Variants in IP6K1 observed in about 807,000 individuals in gnomAD.
IP6K1 encodes ATP:1D-myo-inositol-hexakisphosphate phosphotransferase.
A neutral mutation model predicts 38.3 loss-of-function variants in IP6K1; 13 were observed. The observed-to-expected ratio is 0.34, with a 90% confidence interval of 0.22 to 0.54. The LOEUF (loss-of-function observed/expected upper bound fraction) is 0.54, where lower values mean the gene tolerates loss of function less well. Among genes scored for constraint, IP6K1 ranks in the 20% least tolerant of loss-of-function variants. The pLI is 0.92. For missense variants in IP6K1, 397 were observed against 599.8 expected (o/e 0.66, Z 3.53); for synonymous variants, 212 against 229.9 (o/e 0.92, Z 0.70).
intron 1 of IP6K1, among the ~76,000 whole-genome samples, chr3:49,784,800 C>A (rs2081096855): frequency 6.6e-6 from 1 of 151,792 alleles, no homozygotes; most frequent in South Asian, 2.1e-4. Context: ...CAAAAATTAG[C>A]CAGGTGTGGT....
chr3:49,746,475 T>A (rs1379518840), intron 2 of IP6K1, among the ~76,000 whole-genome samples: 1 of 148,774 alleles, frequency 6.7e-6, no homozygotes, highest in African/African-American at 2.5e-5. Context: ...ATCAAGGCCA[T>A]CCTGGCCAAC....
At chr3:49,754,401 A>C (rs2080804871) in intron 1 of IP6K1, among the ~76,000 whole-genome samples, 1 of 151,874 alleles carries the variant, frequency 6.6e-6, no homozygotes, top group Admixed American at 6.6e-5. Flanking sequence ...AAGATGAATC[A>C]GGCCATGTAT....
intron 1 of IP6K1, among the ~76,000 whole-genome samples, chr3:49,784,274 G>C (rs1368806063): frequency 6.6e-6 from 1 of 152,110 alleles, no homozygotes; most frequent in Non-Finnish European, 1.5e-5. Context: ...TGGGATTACA[G>C]ACATGAGCTA....
At chr3:49,747,767 G>A (rs1279231421) in intron 2 of IP6K1, 51 bp downstream of exon 2, 4 of 1,606,782 alleles carry the variant, frequency 2.5e-6, no homozygotes, top group Admixed American at 1.7e-5. Flanking sequence ...CTGTGGCAAG[G>A]GGTCTATAAG....
chr3:49,785,741 T>C (rs2108269293), intron 1 of IP6K1: 1 of 152,346 alleles, frequency 6.6e-6, no homozygotes, highest in Middle Eastern at 3.4e-3. Context: ...AAAGAAATTA[T>C]GTTCCAAAAT....
At chr3:49,744,421 A>G (rs891403683) in intron 2 of IP6K1, among the ~76,000 whole-genome samples, 23 of 151,690 alleles carry the variant, frequency 1.5e-4, no homozygotes, top group Middle Eastern at 3.4e-3. Context: ...AAAAAAAAAA[A>G]AAAAAAAGAA....
intron 1 of IP6K1, among the ~76,000 whole-genome samples, chr3:49,758,327 A>AG (rs1228186797): frequency 1.3e-5 from 2 of 151,408 alleles, no homozygotes; most frequent in East Asian, 3.9e-4. Context: ...AAAAAAAAAA[A>AG]AAAAAAAAAG....
At chr3:49,769,170 ATAGTT>A (rs1232542501) in intron 1 of IP6K1, among the ~76,000 whole-genome samples, 1 of 152,220 alleles carries the variant, frequency 6.6e-6, no homozygotes, top group Non-Finnish European at 1.5e-5. Flanking sequence ...AAGGCTCAAT[ATAGTT>A]AAGATGTCAA....
At chr3:49,750,332 T>G (rs1339158904) in intron 1 of IP6K1, among the ~76,000 whole-genome samples, 1 of 151,960 alleles carries the variant, frequency 6.6e-6, no homozygotes, top group African/African-American at 2.4e-5. Flanking sequence ...CTAGCCTGAG[T>G]CATTGGGTGG....
chr3:49,782,989 G>A (rs1053125687), intron 1 of IP6K1, among the ~76,000 whole-genome samples: 28 of 150,446 alleles, frequency 1.9e-4, no homozygotes, highest in Admixed American at 3.3e-4. Context: ...GCGTGCTGGC[G>A]CACTCCTGTA....
intron 4 of IP6K1, among the ~76,000 whole-genome samples, chr3:49,731,898 A>G (rs2108223395): frequency 6.7e-6 from 1 of 149,006 alleles, no homozygotes; most frequent in South Asian, 2.1e-4. Context: ...AAAAAAAAAA[A>G]AAAAAAAGGA....
rs61244502 is a variant in IP6K1 at position 49,785,275 on chromosome 3, A to AGGGG, written c.-129+1075_-129+1078dup. On this transcript the variant is annotated intron_variant, in intron 1 of 5. Coordinates refer to ENST00000321599, the MANE Select transcript of IP6K1 (RefSeq NM_153273.4). ...GTAACCCCAGCACTTTGGGAGGCCA[A>AGGGG]GGGGGGTGGATCACGAGGTCAGGAG... is the stretch of plus-strand genomic sequence containing the variant. 1.8e-3 allele frequency among the ~76,000 whole-genome samples: 276 copies of AGGGG among 151,764 alleles called. 3 individuals carry two copies. The highest frequency in any genetic ancestry group is 6.1e-3 in the African/African-American group (251 of 41,406).
At chr3:49,743,105 G>GT (rs1335576979) in intron 2 of IP6K1, among the ~76,000 whole-genome samples, 1 of 151,802 alleles carries the variant, frequency 6.6e-6, no homozygotes, top group African/African-American at 2.4e-5. Context: ...GCAGGCACCT[G>GT]TAAGTCCCAG....
rs550336624 is a variant in IP6K1, at chr3:49,773,196, C to T, written c.-129+13158G>A. On this transcript the variant is annotated intron_variant, in intron 1 of 5. Coordinates refer to ENST00000321599, the MANE Select transcript of IP6K1 (RefSeq NM_153273.4). ...TACTGTAAACAGTCAAGTTAATATG[C>T]TTAAGGGTCCAAGTGGTCCTGCCTG... Among the ~76,000 whole-genome samples, 23 of 152,278 alleles carry T rather than the reference C, an allele frequency of 1.5e-4. 1 individual carries two copies. In the South Asian group the frequency reaches 4.8e-3, roughly 32 times the overall value.
intron 1 of IP6K1, among the ~76,000 whole-genome samples, chr3:49,765,399 TGG>T (rs1287139329): frequency 1.3e-5 from 2 of 150,570 alleles, no homozygotes; most frequent in East Asian, 3.9e-4. Context: ...CCCAGCACTT[TGG>T]GAGGCCGCGG....
At chr3:49,778,635 G>GA (rs901245403) in intron 1 of IP6K1, among the ~76,000 whole-genome samples, 9 of 147,482 alleles carry the variant, frequency 6.1e-5, no homozygotes, top group South Asian at 2.1e-4. Context: ...TTCATCTCAA[G>GA]AAAAAAAAAA....
intron 1 of IP6K1, among the ~76,000 whole-genome samples, chr3:49,758,133 C>G (rs1575318786): frequency 1.3e-5 from 2 of 151,792 alleles, no homozygotes; most frequent in African/African-American, 4.8e-5. Context: ...TACAGTGAAA[C>G]CCCGTCTCTA....
chr3:49,768,603 T>C (rs534270160), intron 1 of IP6K1, among the ~76,000 whole-genome samples: 4 of 151,962 alleles, frequency 2.6e-5, no homozygotes, highest in Admixed American at 1.3e-4. Flanking sequence ...AACCCCATCT[T>C]TACCAAAAAT....
intron 4 of IP6K1, among the ~76,000 whole-genome samples, chr3:49,728,817 C>T (rs541681681): frequency 1.3e-4 from 20 of 152,190 alleles, no homozygotes; most frequent in Non-Finnish European, 2.5e-4. Context: ...CCTTGTGATT[C>T]GCCTGCCTCA....
Sources: gnomAD v4.1 joint callset for allele counts (sites outside exome capture counted in the v4.1 genomes callset) on GRCh38, gnomAD v4.1.1 for gene constraint, MANE v1.5 for transcripts, NCBI Gene and HGNC (gene_info 2026-07-23, HGNC 2026-07-21) for gene names.